ERICH1: variants seen among roughly 807,000 people sequenced by gnomAD.
ERICH1 encodes glutamate rich 1.
In ERICH1, 56 loss-of-function variants were observed where a neutral mutation model predicts 39.6. The ratio of observed to expected loss-of-function variants is 1.41; its 90% CI spans 1.14 to 1.77. ERICH1 has a LOEUF of 1.77. Ranked by LOEUF, ERICH1 falls within the 40% of genes most tolerant of loss-of-function variation. ERICH1 has a pLI of 0.00. For synonymous variants in ERICH1, 313 were observed against 223.6 expected, an observed-to-expected ratio of 1.40 and a Z score of -3.57; for missense variants, 826 against 575.4, an observed-to-expected ratio of 1.44 and a Z score of -4.45.
At chr8:681,329 A>C (rs546712110) in intron 3 of ERICH1, among the ~76,000 whole-genome samples, 76 of 152,242 alleles carry the variant, frequency 5.0e-4, no homozygotes, top group Non-Finnish European at 1.0e-3. Context: ...AATCTAGCTC[A>C]CGAGAAAAAC....
At chr8:680,680 G>A (rs1459558495) in intron 3 of ERICH1, among the ~76,000 whole-genome samples, 1 of 152,216 alleles carries the variant, frequency 6.6e-6, no homozygotes, top group Non-Finnish European at 1.5e-5. Context: ...AAATCCAAGA[G>A]AATCCACAGC....
At chr8:656,265 C>A (rs999722187) in intron 3 of ERICH1, among the ~76,000 whole-genome samples, 1 of 152,160 alleles carries the variant, frequency 6.6e-6, no homozygotes. Flanking sequence ...GCAGCTGGAT[C>A]CCCCCTGCAA....
chr8:729,570 T>C (rs1819537368), intron 1 of ERICH1, among the ~76,000 whole-genome samples: 1 of 152,244 alleles, frequency 6.6e-6, no homozygotes, highest in Non-Finnish European at 1.5e-5. Flanking sequence ...GCCGATGGGC[T>C]CTTCAGGTGA....
intron 3 of ERICH1, chr8:616,589 G>C (rs950148746): frequency 6.6e-6 from 3 of 455,668 alleles, no homozygotes; most frequent in Non-Finnish European, 8.8e-6. Context: ...GGGCTGGAGA[G>C]AGACAGAGAG....
At chr8:622,469 A>G (rs1797344934) in intron 3 of ERICH1, among the ~76,000 whole-genome samples, 1 of 152,176 alleles carries the variant, frequency 6.6e-6, no homozygotes, top group African/African-American at 2.4e-5. Context: ...ATATCTATGA[A>G]GCAGAGAACG....
exon 4 of ERICH1, chr8:615,210 G>C (rs1049755653): frequency 1.5e-6 from 1 of 679,086 alleles, no homozygotes; most frequent in Non-Finnish European, 2.6e-6. Flanking sequence ...GTCCAAGTCA[G>C]CACCACAGCT....
rs776145757 is a variant in ERICH1 at position 664,688 on chromosome 8, A to C, written c.1259-12T>G. ...TACTCTGGCATGGTCTAGAAAGCAA[A>C]AAACACAAAACAAAAAATAAAACAA... On this transcript the variant is annotated splice_polypyrimidine_tract_variant and intron_variant, in intron 5 of 5. Coordinates refer to ENST00000262109, the MANE Select transcript of ERICH1 (RefSeq NM_207332.3). The C allele has an allele frequency of 6.3e-7, 1 of 1,582,450 alleles. No individual in the cohort carries two copies. The highest frequency in any genetic ancestry group is 1.1e-5 in the South Asian group (1 of 87,680).
At chr8:636,179 C>A (rs547632545) in intron 3 of ERICH1, among the ~76,000 whole-genome samples, 1 of 152,202 alleles carries the variant, frequency 6.6e-6, no homozygotes, top group African/African-American at 2.4e-5. Flanking sequence ...GCCACCTCCA[C>A]TGCCCTGGGC....
intron 3 of ERICH1, among the ~76,000 whole-genome samples, chr8:634,534 G>T (rs1022852023): frequency 6.6e-6 from 1 of 152,212 alleles, no homozygotes; most frequent in Admixed American, 6.5e-5. Flanking sequence ...GGGCGGCCCC[G>T]TCGGGCGGGC....
rs200656329 is a variant in ERICH1 at position 664,575 on chromosome 8, G to C, written c.*28C>G. 979 of 1,583,394 alleles carry C rather than the reference G, an allele frequency of 6.2e-4. No homozygotes were observed. The highest frequency in any genetic ancestry group is 8.0e-4 in the Non-Finnish European group (938 of 1,167,224). Reference sequence around the variant, plus strand: ...GTCTTTTAAGTTTTTTTGTTAAAGAGGAGCTGTTCTTAAAGAGATATTCCA... The same window carrying C: ...GTCTTTTAAGTTTTTTTGTTAAAGACGAGCTGTTCTTAAAGAGATATTCCA... On this transcript the variant is annotated 3_prime_UTR_variant, in exon 6 of 6. Transcript: ENST00000262109.
chr8:677,152 A>G (rs543657058), intron 3 of ERICH1, among the ~76,000 whole-genome samples: 11 of 152,354 alleles, frequency 7.2e-5, no homozygotes, highest in African/African-American at 2.6e-4. Flanking sequence ...GGACACCGCA[A>G]GCTGTGACGC....
chr8:694,249 C>T (rs7819554), intron 2 of ERICH1, among the ~76,000 whole-genome samples: 3,290 of 152,266 alleles, frequency 0.022, 117 homozygotes, highest in African/African-American at 0.075. Context: ...TCTGATTCAC[C>T]GCAGCTGATT....
At chr8:661,556 A>G (rs1304587806), downstream of ERICH1, among the ~76,000 whole-genome samples, 7 of 152,248 alleles carry the variant, frequency 4.6e-5, no homozygotes, top group African/African-American at 7.2e-5. Context: ...CGTGGTTTAC[A>G]GAAAATAAAT....
At chr8:697,438 C>T (rs764445207) in intron 2 of ERICH1, among the ~76,000 whole-genome samples, 60 of 152,208 alleles carry the variant, frequency 3.9e-4, no homozygotes, top group Non-Finnish European at 5.0e-4. Flanking sequence ...CATCCTGCTG[C>T]ATGCCCACAC....
chr8:673,302 C>T lies in ERICH1; in HGVS notation c.1050G>A (p.Met350Ile), dbSNP rs140036217. 3.7e-6 allele frequency: 6 copies of T among 1,602,564 alleles called. No homozygotes were observed. The East Asian group carries it at 6.7e-5, about 18-fold the overall frequency. The change falls in exon 4 of 6, where the codon ATG becomes ATA. Residue 350 changes from methionine (M) to isoleucine (I), a missense_variant. Physicochemically the swap from Met to Ile is conservative, Grantham distance 10 (BLOSUM62 1). Coordinates refer to ENST00000262109, the MANE Select transcript of ERICH1 (RefSeq NM_207332.3). ...ILNFLKSTQE[M>I]YFYDGVSRDA... ...TAAAAAACATACCGTCATAAAAATA[C>T]ATTTCCTGTGTTGACTTCAAAAAAT... is the stretch of plus-strand genomic sequence containing the variant.
chr8:670,502 G>A (rs1013669850), intron 4 of ERICH1, among the ~76,000 whole-genome samples: 16 of 152,168 alleles, frequency 1.1e-4, no homozygotes, highest in Admixed American at 5.9e-4. Context: ...CCCCTGGACC[G>A]TGCAGGGACT....
At chr8:626,090 C>G (rs1009001192) in intron 3 of ERICH1, 1 of 152,212 alleles carries the variant, frequency 6.6e-6, no homozygotes. Context: ...TTTCCACACA[C>G]CCTCCCTGGC....
intron 3 of ERICH1, among the ~76,000 whole-genome samples, chr8:653,085 A>G (rs1222743709): frequency 1.3e-5 from 2 of 152,258 alleles, no homozygotes; most frequent in Non-Finnish European, 2.9e-5. Context: ...CGTATGATCC[A>G]GCCCTTCCAC....
intron 3 of ERICH1, among the ~76,000 whole-genome samples, chr8:622,363 GC>G (rs1431504263): frequency 6.6e-6 from 1 of 152,142 alleles, no homozygotes; most frequent in Non-Finnish European, 1.5e-5. Context: ...GGTCATGAGG[GC>G]CCTGTGAAAA....
Sources: allele counts gnomAD v4.1 joint callset (sites outside exome capture counted in the v4.1 genomes callset), GRCh38; gene constraint gnomAD v4.1.1; transcripts MANE v1.5; gene names NCBI Gene and HGNC (gene_info 2026-07-23, HGNC 2026-07-21).